GRIA2: variants seen among roughly 807,000 people sequenced by gnomAD.
The protein encoded by GRIA2 is glutamate receptor 2.
In GRIA2, 14 loss-of-function variants were observed where a neutral mutation model predicts 97.3. The observed-to-expected ratio is 0.14, with a 90% confidence interval of 0.10 to 0.23. The LOEUF is 0.23. GRIA2 is among the 10% of genes least tolerant of loss of function. The pLI is 1.00. For missense variants in GRIA2, 558 were observed against 1,069.8 expected (o/e 0.52, Z 6.67); for synonymous variants, 412 against 387.8 (o/e 1.06, Z -0.73).
At chr4:157,255,925 T>C (rs908411123) in intron 2 of GRIA2, among the ~76,000 whole-genome samples, 3 of 151,384 alleles carry the variant, frequency 2.0e-5, no homozygotes, top group African/African-American at 7.3e-5. Flanking sequence ...TTGCTAAGCA[T>C]CAGATAAATG....
At chr4:157,252,747 A>C (rs1285715473) in intron 2 of GRIA2, among the ~76,000 whole-genome samples, 2 of 152,198 alleles carry the variant, frequency 1.3e-5, no homozygotes, top group Non-Finnish European at 1.5e-5. Context: ...TAAAATGTTT[A>C]TTTATATGGG....
intron 1 of GRIA2, 91 bp downstream of exon 1, chr4:157,221,221 C>G (rs1729478485): frequency 2.6e-6 from 2 of 765,844 alleles, no homozygotes; most frequent in African/African-American, 3.4e-5. Context: ...GTCATGTAGA[C>G]TTATGTCATA....
chr4:157,280,651 C>T (rs1732552242), intron 2 of GRIA2, among the ~76,000 whole-genome samples: 1 of 151,728 alleles, frequency 6.6e-6, no homozygotes, highest in African/African-American at 2.4e-5. Flanking sequence ...ATACGTGTTT[C>T]CCAAGAAGGC....
intron 2 of GRIA2, among the ~76,000 whole-genome samples, chr4:157,245,747 G>C (rs1015417501): frequency 4.6e-5 from 7 of 152,034 alleles, no homozygotes; most frequent in African/African-American, 1.7e-4. Flanking sequence ...AACTCTTCTT[G>C]TCAAGGAGTT....
At chr4:157,253,410 C>A (rs1196541396) in intron 2 of GRIA2, among the ~76,000 whole-genome samples, 1 of 152,034 alleles carries the variant, frequency 6.6e-6, no homozygotes, top group African/African-American at 2.4e-5. Flanking sequence ...AACCGCTATG[C>A]CTGGCCCCTT....
chr4:157,247,518 T>C (rs1262831887), intron 2 of GRIA2, among the ~76,000 whole-genome samples: 1 of 152,068 alleles, frequency 6.6e-6, no homozygotes, highest in African/African-American at 2.4e-5. Flanking sequence ...AAGGTTATTT[T>C]TGAATGTGGG....
At chr4:157,343,103 T>C (rs1735617337) in intron 12 of GRIA2, among the ~76,000 whole-genome samples, 1 of 152,052 alleles carries the variant, frequency 6.6e-6, no homozygotes, top group Admixed American at 6.6e-5. Flanking sequence ...TTCAGTGCAC[T>C]AACTTCATGG....
chr4:157,223,211 C>T (rs373508173), intron 2 of GRIA2, among the ~76,000 whole-genome samples: 1 of 152,152 alleles, frequency 6.6e-6, no homozygotes, highest in Non-Finnish European at 1.5e-5. Context: ...TCAACTCTTG[C>T]AACTACTGTC....
At chr4:157,348,699 C>G (rs1735872800) in intron 12 of GRIA2, among the ~76,000 whole-genome samples, 2 of 152,042 alleles carry the variant, frequency 1.3e-5, no homozygotes, top group Admixed American at 6.6e-5. Flanking sequence ...TAGTATCTCT[C>G]TCAGATTTTT....
intron 3 of GRIA2, 149 bp from the exon 4 acceptor site, chr4:157,312,530 T>A: frequency 2.0e-6 from 1 of 499,398 alleles, no homozygotes; most frequent in Non-Finnish European, 3.5e-6. Context: ...GTGATAAAGA[T>A]CATAGCTATA....
chr4:157,226,377 G>T (rs1729747128), intron 2 of GRIA2, among the ~76,000 whole-genome samples: 1 of 152,094 alleles, frequency 6.6e-6, no homozygotes. Flanking sequence ...TATTCAAAAT[G>T]CTGTCTTAAA....
intron 12 of GRIA2, among the ~76,000 whole-genome samples, chr4:157,359,251 G>GT (rs1400982521): frequency 2.6e-5 from 4 of 151,844 alleles, no homozygotes; most frequent in South Asian, 2.1e-4. Context: ...AAGAATGTTG[G>GT]TTTTTTTCCA....
chr4:157,256,472 T>G (rs1456433703), intron 2 of GRIA2, among the ~76,000 whole-genome samples: 1 of 151,072 alleles, frequency 6.6e-6, no homozygotes, highest in Non-Finnish European at 1.5e-5. Context: ...CATTAAATAT[T>G]AATTGAAGTG....
intron 2 of GRIA2, among the ~76,000 whole-genome samples, chr4:157,257,533 G>A (rs532249259): frequency 6.2e-4 from 94 of 152,094 alleles, no homozygotes; most frequent in African/African-American, 2.1e-3. Context: ...ACAATTTAAC[G>A]AAAAATTTCT....
At chr4:157,313,972 T>C (rs573596709) in intron 4 of GRIA2, among the ~76,000 whole-genome samples, 176 of 152,312 alleles carry the variant, frequency 1.2e-3, no homozygotes, top group African/African-American at 4.0e-3. Context: ...ACATATTTAC[T>C]ATTCACTAAG....
At chr4:157,261,754 T>C (rs1394483393) in intron 2 of GRIA2, among the ~76,000 whole-genome samples, 1 of 152,146 alleles carries the variant, frequency 6.6e-6, no homozygotes, top group Non-Finnish European at 1.5e-5. Flanking sequence ...GTATTTACAT[T>C]GTTCTGGTGT....
chr4:157,363,845 T>C lies in GRIA2; in HGVS notation c.*414T>C, dbSNP rs1736752993. On this transcript the variant is annotated 3_prime_UTR_variant, in exon 16 of 16. Coordinates refer to ENST00000264426, the MANE Select transcript of GRIA2 (RefSeq NM_001083619.3). ...AGTACTATAATTTACCTGAAGTCTT[T>C]GTACAGACAACAAACCTGTTTCTGC... is the stretch of plus-strand genomic sequence containing the variant. 1 of 301,616 alleles carries C rather than the reference T, an allele frequency of 3.3e-6. No homozygotes were observed. The highest frequency in any genetic ancestry group is 5.1e-5 in the Admixed American group (1 of 19,784). 18.7% of individuals were successfully genotyped at this position (301,616 alleles called of 1,614,324 possible). A position where few individuals can be genotyped will look rare whatever the true frequency, so the allele number is the denominator to read the frequency against.
chr4:157,259,343 C>T (rs1191055817), intron 2 of GRIA2, among the ~76,000 whole-genome samples: 2 of 152,070 alleles, frequency 1.3e-5, no homozygotes, highest in Non-Finnish European at 1.5e-5. Flanking sequence ...ATTGGGGAGA[C>T]GTCTGCTATT....
chr4:157,232,962 G>A lies in GRIA2; in HGVS notation c.229+11155G>A, dbSNP rs375176737. Among the ~76,000 whole-genome samples the A allele has an allele frequency of 5.9e-5, 9 of 152,238 alleles. No individual in the cohort carries two copies. In the East Asian group the frequency reaches 7.7e-4, roughly 13 times the overall value. Reference sequence around the variant, plus strand: ...CATTATAGGATTGTTTGCAAGATACGCATTAGTCATAAAACACTATGAGCT... The same window carrying A: ...CATTATAGGATTGTTTGCAAGATACACATTAGTCATAAAACACTATGAGCT... On this transcript the variant is annotated intron_variant, in intron 2 of 15. Coordinates refer to ENST00000264426, the MANE Select transcript of GRIA2 (RefSeq NM_001083619.3).
Sources: gnomAD v4.1 joint callset for allele counts (sites outside exome capture counted in the v4.1 genomes callset) on GRCh38, gnomAD v4.1.1 for gene constraint, MANE v1.5 for transcripts, NCBI Gene and HGNC (gene_info 2026-07-23, HGNC 2026-07-21) for gene names.